Variants in FSIP2 observed in about 807,000 individuals in gnomAD.
FSIP2 encodes the protein fibrous sheath interacting protein 2.
In FSIP2, 367 loss-of-function variants were observed where a neutral mutation model predicts 510.5. The ratio of observed to expected loss-of-function variants is 0.72; its 90% CI spans 0.66 to 0.78. The LOEUF is 0.78. Among genes scored for constraint, FSIP2 ranks in the 30% least tolerant of loss-of-function variants. The pLI is 0.00. For missense variants in FSIP2, 7,594 were observed against 7,901.7 expected (o/e 0.96, Z 1.48); for synonymous variants, 2,601 against 2,732.2 (o/e 0.95, Z 1.50).
chr2:185,743,379 C>T (rs1008088111), intron 3 of FSIP2, 85 bp downstream of exon 3: 44 of 788,916 alleles, frequency 5.6e-5, no homozygotes, highest in Non-Finnish European at 7.6e-5. Flanking sequence ...ACTCGGGGGG[C>T]CTGTGTCACT....
chr2:185,755,064 C>T (rs960749381), intron 8 of FSIP2, among the ~76,000 whole-genome samples: 1 of 151,482 alleles, frequency 6.6e-6, no homozygotes, highest in Admixed American at 6.6e-5. Context: ...TGATTACCGT[C>T]TCCATTTATC....
intron 14 of FSIP2, among the ~76,000 whole-genome samples, chr2:185,785,626 CTG>C (rs779689517): frequency 2.8e-4 from 43 of 151,964 alleles, no homozygotes; most frequent in South Asian, 4.1e-4. Context: ...ATTTAGAAAA[CTG>C]TGTTTTTATT....
chr2:185,810,375 C>T (rs1693700797), intron 17 of FSIP2, among the ~76,000 whole-genome samples: 1 of 151,770 alleles, frequency 6.6e-6, no homozygotes, highest in African/African-American at 2.4e-5. Context: ...TCCCCTGCAC[C>T]CTGCCCAACA....
chr2:185,782,804 A>ATGAT (rs1692881661), intron 14 of FSIP2, 42 bp downstream of exon 14: 2 of 1,009,130 alleles, frequency 2.0e-6, no homozygotes, highest in African/African-American at 1.6e-5. Flanking sequence ...ACTAATTTTA[A>ATGAT]TGATTACATA....
Position 185,801,862 on chromosome 2 carries a change from A to G in FSIP2, c.12556A>G (p.Met4186Val). Residue 4186 changes from methionine to valine, a missense_variant, in exon 17 of 23, where the codon ATG becomes GTG. Transcript: ENST00000424728. ...EMSTCIINKV[M>V]SAISKHKIWF... ...GTCCACTTGTATAATAAATAAGGTT[A>G]TGTCAGCCATTTCAAAACATAAAAT... 6.7e-7 allele frequency: 1 copy of G among 1,486,418 alleles called. No homozygotes were observed. The highest frequency in any genetic ancestry group is 8.9e-7 in the Non-Finnish European group (1 of 1,119,580). The allele number at this position is 1,486,418 out of a possible 1,614,324, so 92.1% of individuals were successfully genotyped here. A position where few individuals can be genotyped will look rare whatever the true frequency, so the allele number is the denominator to read the frequency against.
At chr2:185,743,800 ACTC>A (rs1348761643) in intron 3 of FSIP2, among the ~76,000 whole-genome samples, 1 of 152,060 alleles carries the variant, frequency 6.6e-6, no homozygotes, top group African/African-American at 2.4e-5. Context: ...TGTGCACTAA[ACTC>A]CTTTTATGAT....
rs1321535302 is a variant in FSIP2 at position 185,789,881 on chromosome 2, T to A, written c.2745T>A (p.Tyr915Ter). ...IEEAINAILG[Y>*]IQTELNNERI... ...AAGCAATCAATGCTATACTAGGTTA[T>A]ATACAAACTGAACTAAATAATGAGA... The change falls in exon 16 of 23, where the codon TAT becomes TAA. Residue 915 changes from tyrosine to a stop codon, truncating the protein, a stop_gained. Transcript: ENST00000424728. LOFTEE classifies it high-confidence loss of function. 1.3e-6 allele frequency: 2 copies of A among 1,532,054 alleles called. No individual in the cohort carries two copies. The highest frequency in any genetic ancestry group is 2.7e-5 in the African/African-American group (2 of 72,868). 94.9% of individuals were successfully genotyped at this position (1,532,054 alleles called of 1,614,324 possible).
chr2:185,800,701 G>A lies in FSIP2; in HGVS notation c.11395G>A (p.Asp3799Asn). 1 of 1,534,168 alleles carries A rather than the reference G, an allele frequency of 6.5e-7. No homozygotes were observed. The highest frequency in any genetic ancestry group is 2.4e-5 in the East Asian group (1 of 40,822). The stretch of plus-strand genomic sequence containing the variant: ...TTTAAAAATGCTTCAAAGTGTAGAA[G>A]ATGGAAAATCTGATTATCGTAAGGG... The part of the protein sequence containing the change: ...QLLKMLQSVE[D>N]GKSDYRKGGM... Residue 3799 changes from aspartate to asparagine, a missense_variant, in exon 17 of 23, where the codon GAT becomes AAT. By Grantham distance (23) the Asp-to-Asn change is conservative. Transcript: ENST00000424728.
In FSIP2 at chr2:185,764,495, T is replaced by TA. The variant is rs1692421455; in HGVS notation, c.1348-6dup. 1 of 1,521,742 alleles carries TA rather than the reference T, an allele frequency of 6.6e-7. No individual in the cohort carries two copies. The highest frequency in any genetic ancestry group is 8.8e-7 in the Non-Finnish European group (1 of 1,137,406). The allele number at this position is 1,521,742 out of a possible 1,614,324, so 94.3% of individuals were successfully genotyped here. On this transcript the variant is annotated splice_region_variant and splice_polypyrimidine_tract_variant and intron_variant, in intron 12 of 22. Transcript: ENST00000424728. The stretch of plus-strand genomic sequence containing the variant: ...ATCTATTTGTTTTGCTGTTGTGAAT[T>TA]ATGTAGAAGGAGACAAATGCTGATT...
chr2:185,811,127 G>C (rs1009530082), intron 17 of FSIP2, among the ~76,000 whole-genome samples: 2 of 151,980 alleles, frequency 1.3e-5, no homozygotes, highest in African/African-American at 4.8e-5. Flanking sequence ...GGAAAGAAAT[G>C]ACTTAAATTT....
intron 13 of FSIP2, among the ~76,000 whole-genome samples, chr2:185,771,049 T>TA (rs1260623026): frequency 4.0e-5 from 6 of 151,828 alleles, no homozygotes; most frequent in African/African-American, 9.7e-5. Flanking sequence ...CTGGGAACAC[T>TA]AAAAAAAAGG....
At position 185,763,202 on chromosome 2, in the gene FSIP2, C is replaced by T. The variant is rs1692391166; in HGVS notation, c.1260C>T (p.Gly420=). 6.7e-7 allele frequency: 1 copy of T among 1,482,746 alleles called. No individual in the cohort carries two copies. The highest frequency in any genetic ancestry group is 9.1e-7 in the Non-Finnish European group (1 of 1,099,160). The allele number at this position is 1,482,746 out of a possible 1,614,324, so 91.8% of individuals were successfully genotyped here. Residue 420 remains glycine, a synonymous_variant, in exon 12 of 23, where the codon GGC becomes GGT. Coordinates refer to ENST00000424728, the MANE Select transcript of FSIP2 (RefSeq NM_173651.4). The part of the protein sequence containing the change: ...FDDRGGINIS[G]QGSIISAQVS... Reference sequence around the variant, plus strand: ...CTCTAGGAGGTATAAATATTTCAGGCCAAGGTTCAATTATTTCAGCGCAGG... The same window carrying T: ...CTCTAGGAGGTATAAATATTTCAGGTCAAGGTTCAATTATTTCAGCGCAGG...
In FSIP2 at chr2:185,802,504, AT is replaced by A. The variant is rs1464306409; in HGVS notation, c.13203del (p.Phe4401LeufsTer8). ...AVDKESEDSG[I>X]FVENITNLIV... The stretch of plus-strand genomic sequence containing the variant: ...TGATAAAGAGTCTGAAGACAGTGGC[AT>A]TTTTGTGGAAAATATTACCAATTTA... On this transcript the variant is annotated frameshift_variant, in exon 17 of 23. Coordinates refer to ENST00000424728, the MANE Select transcript of FSIP2 (RefSeq NM_173651.4). LOFTEE classifies it high-confidence loss of function. The A allele has an allele frequency of 3.9e-6, 6 of 1,532,378 alleles. No individual in the cohort carries two copies. The highest frequency in any genetic ancestry group is 5.2e-6 in the Non-Finnish European group (6 of 1,144,954). 94.9% of individuals were successfully genotyped at this position (1,532,378 alleles called of 1,614,324 possible). A position where few individuals can be genotyped will look rare whatever the true frequency, so the allele number is the denominator to read the frequency against.
intron 7 of FSIP2, among the ~76,000 whole-genome samples, chr2:185,749,957 G>A (rs1277184001): frequency 6.6e-6 from 1 of 151,688 alleles, no homozygotes; most frequent in Non-Finnish European, 1.5e-5. Flanking sequence ...TTGCTTAGTA[G>A]ATAACATAAA....
chr2:185,754,163 G>A (rs116235578), intron 8 of FSIP2, among the ~76,000 whole-genome samples: 2,025 of 151,246 alleles, frequency 0.013, 28 homozygotes, highest in Non-Finnish European at 0.019. Context: ...CCAACATGGT[G>A]TTCTATTATG....
chr2:185,771,656 C>T (rs1348581891), intron 13 of FSIP2, among the ~76,000 whole-genome samples: 2 of 152,110 alleles, frequency 1.3e-5, no homozygotes, highest in Admixed American at 1.3e-4. Flanking sequence ...GAGGGGCTTT[C>T]CCAAAGACTT....
At position 185,794,937 on chromosome 2, in the gene FSIP2, A is replaced by G. The variant is rs757256421; in HGVS notation, c.7801A>G (p.Ile2601Val). The G allele has an allele frequency of 1.4e-5, 22 of 1,534,010 alleles. No individual in the cohort carries two copies. The highest frequency in any genetic ancestry group is 1.9e-5 in the Non-Finnish European group (22 of 1,145,288). ...GKISNSPRYA[I>V]SQAYSYVDSQ... ...AATAAGTAATTCCCCTAGATATGCG[A>G]TATCACAGGCTTATTCTTATGTCGA... is the stretch of plus-strand genomic sequence containing the variant. The change falls in exon 16 of 23, where the codon ATA becomes GTA. Residue 2601 changes from isoleucine (I) to valine (V), a missense_variant. Transcript: ENST00000424728.
At chr2:185,762,859 A>G (rs973812886) in intron 11 of FSIP2, among the ~76,000 whole-genome samples, 1 of 151,420 alleles carries the variant, frequency 6.6e-6, no homozygotes, top group African/African-American at 2.4e-5. Context: ...TTCATTGCCT[A>G]ATTACTCAAA....
chr2:185,780,804 G>C (rs775858645), intron 13 of FSIP2, among the ~76,000 whole-genome samples: 1 of 152,026 alleles, frequency 6.6e-6, no homozygotes, highest in Non-Finnish European at 1.5e-5. Context: ...ATTTGGATAG[G>C]TTGTAATTCT....
Sources: gnomAD v4.1 joint callset for allele counts (sites outside exome capture counted in the v4.1 genomes callset) on GRCh38, gnomAD v4.1.1 for gene constraint, MANE v1.5 for transcripts, NCBI Gene and HGNC (gene_info 2026-07-23, HGNC 2026-07-21) for gene names.